MID1: variants seen among roughly 807,000 people sequenced by gnomAD.
MID1 encodes the protein midline 1, also known as E3 ubiquitin-protein ligase Midline-1.
A neutral mutation model predicts 40.4 loss-of-function variants in MID1; 7 were observed. That is an observed-to-expected ratio of 0.17 (90% CI 0.10 to 0.33). MID1 has a LOEUF of 0.33. Among genes scored for constraint, MID1 ranks in the 10% least tolerant of loss-of-function variants. The probability of loss-of-function intolerance (pLI) is 1.00; values close to 1 mark genes in which losing one functional copy is unlikely to be tolerated. For synonymous variants in MID1, 229 were observed against 221.2 expected (o/e 1.04, Z -0.31); for missense variants, 367 against 558.5 (o/e 0.66, Z 3.46).
intron 1 of MID1, among the ~76,000 whole-genome samples, chrX:10,717,306 C>T (rs1437985404): frequency 9.3e-6 from 1 of 107,706 alleles, no homozygotes; most frequent in Non-Finnish European, 1.9e-5. Flanking sequence ...ACCCATCTCA[C>T]GTGCAGAGAT....
intron 1 of MID1, among the ~76,000 whole-genome samples, chrX:10,599,879 A>G (rs775296153): frequency 6.3e-4 from 71 of 112,438 alleles, no homozygotes; most frequent in Middle Eastern, 4.6e-3. Context: ...TTTAGCCTTG[A>G]CAGTTAGAGT....
chrX:10,680,463 T>C (rs2043051458), intron 1 of MID1, among the ~76,000 whole-genome samples: 1 of 112,138 alleles, frequency 8.9e-6, no homozygotes, highest in Admixed American at 9.5e-5. Flanking sequence ...GAATGTATTA[T>C]CTTTAAGTTA....
chrX:10,704,716 GTATATATA>G (rs771605675), intron 1 of MID1, among the ~76,000 whole-genome samples: 1 of 78,095 alleles, frequency 1.3e-5, no homozygotes, highest in Non-Finnish European at 2.3e-5. Flanking sequence ...GTGTGTGTGT[GTATATATA>G]TATATATATA....
At chrX:10,715,437 C>G (rs1247035362) in intron 1 of MID1, among the ~76,000 whole-genome samples, 1 of 112,134 alleles carries the variant, frequency 8.9e-6, no homozygotes, top group African/African-American at 3.2e-5. Context: ...CCCACGGAGC[C>G]TCACTCATTG....
intron 1 of MID1, among the ~76,000 whole-genome samples, chrX:10,755,181 A>G (rs1289250787): frequency 8.9e-6 from 1 of 112,307 alleles, no homozygotes; most frequent in African/African-American, 3.2e-5. Context: ...AAATAAGCAA[A>G]GTCCAAATTC....
chrX:10,677,726 C>T (rs1288485375), intron 1 of MID1: 2 of 112,078 alleles, frequency 1.8e-5, no homozygotes, highest in Admixed American at 9.5e-5. Flanking sequence ...TTCATAGTGA[C>T]CCTGCATAGA....
Position 10,588,182 on chromosome X carries a change from AG to A in MID1, c.-56-20580del. Among the ~76,000 whole-genome samples, 3 of 112,753 alleles carry A rather than the reference AG, an allele frequency of 2.7e-5. 1 individual carries two copies. Among genetic ancestry groups the A allele is most frequent in the Non-Finnish European group, 5.6e-5 (3 of 53,391 alleles). On this transcript the variant is annotated intron_variant, in intron 1 of 9. Transcript: ENST00000317552. ...AATAATTTTTTTAACCTTTTAATGTAGGTAAAAATCCACATTCTTATGCCTC... is the reference window on the plus strand; with the variant it reads ...AATAATTTTTTTAACCTTTTAATGTAGTAAAAATCCACATTCTTATGCCTC...
At chrX:10,638,807 C>T (rs1472134522) in intron 1 of MID1, among the ~76,000 whole-genome samples, 1 of 111,836 alleles carries the variant, frequency 8.9e-6, no homozygotes, top group African/African-American at 3.3e-5. Context: ...TGAGATGAAG[C>T]TTCCAGAGGA....
At chrX:10,636,784 GGA>G (rs1491566720) in intron 1 of MID1, among the ~76,000 whole-genome samples, 29 of 12,158 alleles carry the variant, frequency 2.4e-3, no homozygotes, top group African/African-American at 0.011. Context: ...CCAACAATGG[GGA>G]TATATATATA....
intron 1 of MID1, among the ~76,000 whole-genome samples, chrX:10,791,346 A>C (rs1303567140): frequency 8.9e-6 from 1 of 112,196 alleles, no homozygotes; most frequent in Non-Finnish European, 1.9e-5. Context: ...AGAGGTTGCT[A>C]TCAAAGGGGG....
chrX:10,618,018 CA>C (rs1935868929), intron 1 of MID1, among the ~76,000 whole-genome samples: 1 of 112,301 alleles, frequency 8.9e-6, no homozygotes, highest in African/African-American at 3.2e-5. Context: ...GGCAGAAGCC[CA>C]AACCCCTCTG....
intron 2 of MID1, among the ~76,000 whole-genome samples, chrX:10,532,136 G>A (rs2147387095): frequency 8.9e-6 from 1 of 111,796 alleles, no homozygotes; most frequent in Admixed American, 9.5e-5. Flanking sequence ...CTGCTCATTT[G>A]CCCTTGTTCA....
intron 1 of MID1, among the ~76,000 whole-genome samples, chrX:10,721,914 G>C (rs2043358432): frequency 9.1e-6 from 1 of 110,495 alleles, no homozygotes; most frequent in Non-Finnish European, 1.9e-5. Context: ...TACAAAAAGA[G>C]AAGAAAAGAA....
intron 1 of MID1, among the ~76,000 whole-genome samples, chrX:10,717,372 A>C (rs1191430011): frequency 1.8e-5 from 2 of 109,805 alleles, no homozygotes; most frequent in African/African-American, 6.6e-5. Flanking sequence ...AATGGAAAAA[A>C]AAAAAAAGGC....
At chrX:10,645,123 A>G (rs777908961) in intron 1 of MID1, among the ~76,000 whole-genome samples, 1 of 111,634 alleles carries the variant, frequency 9.0e-6, no homozygotes, top group East Asian at 2.8e-4. Context: ...GCTCTCTTCA[A>G]TTTTCTCTGT....
At chrX:10,533,948 G>A (rs965525069) in intron 2 of MID1, among the ~76,000 whole-genome samples, 1 of 110,808 alleles carries the variant, frequency 9.0e-6, no homozygotes, top group Admixed American at 9.6e-5. Context: ...TTTAAGTGCC[G>A]ACTGGATAAG....
chrX:10,616,573 G>A (rs1935843578), intron 1 of MID1, among the ~76,000 whole-genome samples: 1 of 112,399 alleles, frequency 8.9e-6, no homozygotes, highest in Non-Finnish European at 1.9e-5. Context: ...ATCAAAGCCA[G>A]GAGACATCCA....
At chrX:10,747,502 A>C (rs1808464868) in intron 1 of MID1, among the ~76,000 whole-genome samples, 1 of 112,379 alleles carries the variant, frequency 8.9e-6, no homozygotes, top group African/African-American at 3.2e-5. Flanking sequence ...TTTGAAATCA[A>C]TTTTGAATAT....
intron 1 of MID1, among the ~76,000 whole-genome samples, chrX:10,724,390 G>A (rs2043376867): frequency 8.9e-6 from 1 of 112,131 alleles, no homozygotes; most frequent in Non-Finnish European, 1.9e-5. Flanking sequence ...AGAGTAAGAT[G>A]CTGGGTTTTC....
Sources: allele counts gnomAD v4.1 joint callset (sites outside exome capture counted in the v4.1 genomes callset), GRCh38; gene constraint gnomAD v4.1.1; transcripts MANE v1.5; gene names NCBI Gene and HGNC (gene_info 2026-07-23, HGNC 2026-07-21).